KLHL29: variants seen among roughly 807,000 people sequenced by gnomAD.
KLHL29 encodes kelch-like protein 29.
Under a neutral mutation model 80.4 loss-of-function variants are expected in KLHL29, and 21 were observed. The observed-to-expected ratio is 0.26, with a 90% confidence interval of 0.19 to 0.38. The LOEUF is 0.38. KLHL29 is among the 10% of genes least tolerant of loss of function. The pLI is 1.00. For missense variants in KLHL29, 867 were observed against 1,223.9 expected (o/e 0.71, Z 4.35); for synonymous variants, 511 against 526.8 (o/e 0.97, Z 0.41).
chr2:23,633,958 G>C (rs1427543420), intron 3 of KLHL29, among the ~76,000 whole-genome samples: 2 of 151,948 alleles, frequency 1.3e-5, no homozygotes, highest in East Asian at 3.9e-4. Context: ...TTTCTTAATG[G>C]TGGCACCAGT....
intron 3 of KLHL29, among the ~76,000 whole-genome samples, chr2:23,567,522 G>T (rs568355823): frequency 6.6e-6 from 1 of 152,326 alleles, no homozygotes; most frequent in South Asian, 2.1e-4. Context: ...TATCGGGGTG[G>T]ATATGTGTCA....
At chr2:23,671,756 T>C (rs1318172803) in intron 5 of KLHL29, among the ~76,000 whole-genome samples, 1 of 152,038 alleles carries the variant, frequency 6.6e-6, no homozygotes, top group East Asian at 1.9e-4. Context: ...TAGGAGGTGG[T>C]CTCATGAGTA....
At chr2:23,581,542 T>G (rs914546652) in intron 3 of KLHL29, among the ~76,000 whole-genome samples, 9 of 152,102 alleles carry the variant, frequency 5.9e-5, no homozygotes, top group African/African-American at 2.2e-4. Context: ...TAAAAACTTT[T>G]AGGCTGGAGG....
chr2:23,653,914 C>T (rs1291505940), intron 5 of KLHL29, among the ~76,000 whole-genome samples: 2 of 152,164 alleles, frequency 1.3e-5, no homozygotes, highest in African/African-American at 4.8e-5. Flanking sequence ...AACCTATAAT[C>T]CCAGCACTTT....
In KLHL29 at chr2:23,642,390, T is replaced by C. The variant is rs642931; in HGVS notation, c.480T>C (p.Ile160=). 1,102,351 of 1,445,490 alleles carry C rather than the reference T, an allele frequency of 0.76. 422,778 individuals carry two copies. Among genetic ancestry groups the C allele is most frequent in the East Asian group, 1 (39,610 of 39,710 alleles). The allele number at this position is 1,445,490 out of a possible 1,614,324, so 89.5% of individuals were successfully genotyped here. ...CCGCCGGGAACCAGCCCACCCTGATTGCACACTCCTATGGAGTGGCCCAGC... is the reference window on the plus strand; with the variant it reads ...CCGCCGGGAACCAGCCCACCCTGATCGCACACTCCTATGGAGTGGCCCAGC... ...TVAAGNQPTL[I]AHSYGVAQPP... is the part of the protein sequence containing the mutation. Residue 160 remains isoleucine, a synonymous_variant, in exon 5 of 14, where the codon ATT becomes ATC. Transcript: ENST00000486442.
intron 1 of KLHL29, among the ~76,000 whole-genome samples, chr2:23,425,522 T>C (rs1662982548): frequency 6.6e-6 from 1 of 152,168 alleles, no homozygotes; most frequent in Admixed American, 6.5e-5. Context: ...GCCTTTGAGT[T>C]CATCCTTCAA....
chr2:23,460,464 A>C (rs1251169115), intron 1 of KLHL29, among the ~76,000 whole-genome samples: 1 of 152,170 alleles, frequency 6.6e-6, no homozygotes, highest in Non-Finnish European at 1.5e-5. Flanking sequence ...GGAGGCTAGA[A>C]ATGCTGCTAA....
chr2:23,385,634 C>T lies in KLHL29; in HGVS notation c.-300C>T, dbSNP rs1452530035. The stretch of plus-strand genomic sequence containing the variant: ...GAGAGCAGGAACGCGAGGAGGAGGA[C>T]CTGGATCCGTTTCCTCCGGCCAGGA... On this transcript the variant is annotated 5_prime_UTR_variant, in exon 1 of 14. Coordinates refer to ENST00000486442, the MANE Select transcript of KLHL29 (RefSeq NM_052920.2). The T allele has an allele frequency of 6.0e-6, 1 of 167,136 alleles. No homozygotes were observed. The highest frequency in any genetic ancestry group is 2.4e-5 in the African/African-American group (1 of 41,146). The allele number at this position is 167,136 out of a possible 1,614,324, so 10.4% of individuals were successfully genotyped here.
intron 3 of KLHL29, among the ~76,000 whole-genome samples, chr2:23,602,648 T>A (rs1668600977): frequency 6.6e-6 from 1 of 151,274 alleles, no homozygotes; most frequent in African/African-American, 2.4e-5. Flanking sequence ...GAACAAGGTC[T>A]TGCTGTGTTG....
intron 1 of KLHL29, among the ~76,000 whole-genome samples, chr2:23,467,764 G>A (rs910476437): frequency 7.2e-5 from 11 of 152,142 alleles, no homozygotes; most frequent in Non-Finnish European, 1.6e-4. Flanking sequence ...GGGAACAGGG[G>A]CTCTGTGAAG....
intron 3 of KLHL29, among the ~76,000 whole-genome samples, chr2:23,565,618 C>G (rs1047602395): frequency 6.6e-6 from 1 of 151,968 alleles, no homozygotes; most frequent in South Asian, 2.1e-4. Context: ...GCGCCCTTTC[C>G]TCTAGGGAAA....
Position 23,562,552 on chromosome 2 carries a change from C to A in KLHL29, c.285+71C>A. 2 of 1,468,318 alleles carry A rather than the reference C, an allele frequency of 1.4e-6. No individual in the cohort carries two copies. The highest frequency in any genetic ancestry group is 1.8e-6 in the Non-Finnish European group (2 of 1,098,548). The allele number at this position is 1,468,318 out of a possible 1,614,324, so 91.0% of individuals were successfully genotyped here. On this transcript the variant is annotated intron_variant, in intron 3 of 13. Coordinates refer to ENST00000486442, the MANE Select transcript of KLHL29 (RefSeq NM_052920.2). The surrounding 1 kb of genome is among the most constrained non-coding windows in gnomAD (Gnocchi z 4.5). ...CTGCCTCCCTGCAGGCTCAGGCCAG[C>A]CCCACAGGCTCCTGTGGGGCAGCCT...
At chr2:23,461,636 A>T (rs186048326) in intron 1 of KLHL29, among the ~76,000 whole-genome samples, 7 of 135,148 alleles carry the variant, frequency 5.2e-5, no homozygotes, top group African/African-American at 2.0e-4. Flanking sequence ...TCCATACGTG[A>T]CCCCTCTACC....
chr2:23,389,490 G>A (rs1666266194), intron 1 of KLHL29, among the ~76,000 whole-genome samples: 3 of 151,726 alleles, frequency 2.0e-5, no homozygotes, highest in African/African-American at 7.2e-5. Context: ...GGGATAGGAG[G>A]AGGAAGAAAC....
In KLHL29 at chr2:23,562,473, A is replaced by G; in HGVS notation, c.277A>G (p.Thr93Ala). The change falls in exon 3 of 14, where the codon ACC (threonine) becomes GCC (alanine). Residue 93 changes from threonine (T) to alanine (A), a missense_variant. This residue lies in a region of KLHL29 where 424 missense variants were observed against 456.9 expected (regional missense o/e 0.93). Transcript: ENST00000486442. This position sits in a 1 kb window ranked among gnomAD's most constrained non-coding sequence, Gnocchi z 4.5. ...CGTGGCCAGCTCTGCGTCTGCGGTC[A>G]CCACCAAGGTAAGATGTGGTGTCAT... ...SLVASSASAV[T>A]TKAPGISKGD... 1 of 1,535,900 alleles carries G rather than the reference A, an allele frequency of 6.5e-7. No homozygotes were observed. The highest frequency in any genetic ancestry group is 8.7e-7 in the Non-Finnish European group (1 of 1,146,726).
At chr2:23,504,260 G>A (rs1665531550) in intron 2 of KLHL29, among the ~76,000 whole-genome samples, 1 of 152,220 alleles carries the variant, frequency 6.6e-6, no homozygotes, top group African/African-American at 2.4e-5. Context: ...AGAGACAAAT[G>A]TCAGAGATCT....
At chr2:23,414,407 A>G (rs940300035) in intron 1 of KLHL29, among the ~76,000 whole-genome samples, 1 of 152,254 alleles carries the variant, frequency 6.6e-6, no homozygotes, top group Admixed American at 6.5e-5. Flanking sequence ...ATCCCGTCTC[A>G]GAAAGGAAAT....
At chr2:23,491,128 A>G (rs1665090869) in intron 2 of KLHL29, among the ~76,000 whole-genome samples, 1 of 151,324 alleles carries the variant, frequency 6.6e-6, no homozygotes, top group South Asian at 2.1e-4. Context: ...CTTTCCCCCA[A>G]CTCTATATCA....
chr2:23,636,865 G>A (rs1041251773), intron 3 of KLHL29, among the ~76,000 whole-genome samples: 3 of 152,148 alleles, frequency 2.0e-5, no homozygotes, highest in Non-Finnish European at 2.9e-5. Context: ...ACCCAAACTC[G>A]AGGAGACCCC....
Sources: gnomAD v4.1 joint callset for allele counts (sites outside exome capture counted in the v4.1 genomes callset) on GRCh38, gnomAD v4.1.1 for gene constraint, gnomAD v4.1.1 regional missense constraint, Gnocchi (gnomAD v3.1) non-coding constraint, MANE v1.5 for transcripts, NCBI Gene and HGNC (gene_info 2026-07-23, HGNC 2026-07-21) for gene names.